ALMS1: variants seen among roughly 807,000 people sequenced by gnomAD.
ALMS1 encodes the protein centrosome-associated protein ALMS1.
In ALMS1, 271 loss-of-function variants were observed where a neutral mutation model predicts 352.2. The ratio of observed to expected loss-of-function variants is 0.77; its 90% CI spans 0.70 to 0.85. The LOEUF is 0.85. ALMS1 is among the 40% of genes least tolerant of loss of function. The pLI is 0.00. For synonymous variants in ALMS1, 1,865 were observed against 1,761.2 expected, an observed-to-expected ratio of 1.06 and a Z score of -1.48; for missense variants, 5,445 against 4,870.7, an observed-to-expected ratio of 1.12 and a Z score of -3.51.
intron 18 of ALMS1, 98 bp from the exon 19 acceptor site, chr2:73,601,097 C>T: frequency 6.3e-7 from 1 of 1,583,048 alleles, no homozygotes; most frequent in Non-Finnish European, 8.6e-7. Context: ...AGCTGAGACC[C>T]CTGAGAACCT....
chr2:73,575,285 C>T (rs1675029122), intron 16 of ALMS1, among the ~76,000 whole-genome samples: 1 of 152,036 alleles, frequency 6.6e-6, no homozygotes, highest in African/African-American at 2.4e-5. Context: ...AAATGCTGGG[C>T]CATATGGTAA....
chr2:73,425,548 G>A lies in ALMS1; in HGVS notation c.1237+646G>A, dbSNP rs578089244. On this transcript the variant is annotated intron_variant, in intron 5 of 22. Coordinates refer to ENST00000613296, the MANE Select transcript of ALMS1 (RefSeq NM_001378454.1). ...AACCAAAAGGGAACTTCTCTTTTTG[G>A]TGAGAAAAATATTGATGCTGCTGAA... 7.9e-5 allele frequency among the ~76,000 whole-genome samples: 12 copies of A among 152,208 alleles called. No homozygotes were observed. The South Asian group carries it at 2.5e-3, about 32-fold the overall frequency.
At position 73,588,197 on chromosome 2, in the gene ALMS1, G is replaced by A. The variant is rs116101033; in HGVS notation, c.11548-11204G>A. On this transcript the variant is annotated intron_variant, in intron 16 of 22. Coordinates refer to ENST00000613296, the MANE Select transcript of ALMS1 (RefSeq NM_001378454.1). The stretch of plus-strand genomic sequence containing the variant: ...CAGTATCACCCTAATACCAAAACCA[G>A]GAAGGGACATAACAAAGAAACTGTT... Among the ~76,000 whole-genome samples the A allele has an allele frequency of 9.0e-3, 1,376 of 152,250 alleles. 15 individuals are homozygous for A. Among genetic ancestry groups the A allele is most frequent in the Non-Finnish European group, 0.013 (890 of 68,026 alleles).
intron 10 of ALMS1, among the ~76,000 whole-genome samples, chr2:73,496,097 T>A (rs902486225): frequency 1.3e-5 from 2 of 152,240 alleles, no homozygotes; most frequent in African/African-American, 4.8e-5. Context: ...CTGCATTCCA[T>A]CTTTGCCTCA....
intron 22 of ALMS1, 136 bp downstream of exon 22, chr2:73,608,710 A>G: frequency 1.3e-6 from 1 of 742,950 alleles, no homozygotes; most frequent in East Asian, 2.8e-5. Context: ...GCACTGGACC[A>G]GTGTTGAAAT....
chr2:73,465,090 C>T (rs1173313254), intron 9 of ALMS1, among the ~76,000 whole-genome samples: 1 of 152,178 alleles, frequency 6.6e-6, no homozygotes, highest in Non-Finnish European at 1.5e-5. Context: ...TCAATGCCAT[C>T]CCCATCAAGC....
At chr2:73,396,835 G>A (rs748577401) in intron 1 of ALMS1, among the ~76,000 whole-genome samples, 46 of 151,768 alleles carry the variant, frequency 3.0e-4, no homozygotes, top group African/African-American at 9.7e-4. Flanking sequence ...TAGTAGAGAC[G>A]GGGTTTAACC....
intron 12 of ALMS1, among the ~76,000 whole-genome samples, chr2:73,543,266 A>G (rs886978050): frequency 2.6e-5 from 4 of 152,228 alleles, no homozygotes; most frequent in Admixed American, 1.3e-4. Flanking sequence ...GCAATGGGGA[A>G]AGGATTCCCT....
intron 2 of ALMS1, among the ~76,000 whole-genome samples, chr2:73,411,404 T>G (rs573388260): frequency 6.6e-6 from 1 of 152,294 alleles, no homozygotes; most frequent in South Asian, 2.1e-4. Context: ...AATAAATTTC[T>G]GTTGTTTTAA....
rs781220396 is a variant in ALMS1, at chr2:73,490,764, C to T, written c.8805C>T (p.Ala2935=). The T allele has an allele frequency of 6.2e-7, 1 of 1,614,078 alleles. No homozygotes were observed. Reference sequence around the variant, plus strand: ...GAGAACTCTTTGAACAGTGCAAAGCCCCATATGTAGATCATCAAATGAGAG... The same window carrying T: ...GAGAACTCTTTGAACAGTGCAAAGCTCCATATGTAGATCATCAAATGAGAG... ...EQRELFEQCK[A]PYVDHQMREN... The change falls in exon 10 of 23, where the codon GCC becomes GCT. Residue 2935 remains alanine (A), a synonymous_variant. Transcript: ENST00000613296.
intron 1 of ALMS1, among the ~76,000 whole-genome samples, chr2:73,403,712 G>A (rs964484780): frequency 6.6e-6 from 1 of 151,974 alleles, no homozygotes; most frequent in Non-Finnish European, 1.5e-5. Context: ...CATTAGTATT[G>A]TAGTTTTCAG....
chr2:73,479,051 G>A (rs2103859959), intron 9 of ALMS1, among the ~76,000 whole-genome samples: 2 of 152,120 alleles, frequency 1.3e-5, no homozygotes, highest in South Asian at 4.2e-4. Flanking sequence ...AGTATTCCAT[G>A]GTATATATGT....
chr2:73,401,946 A>G (rs1458301912), intron 1 of ALMS1, among the ~76,000 whole-genome samples: 1 of 152,042 alleles, frequency 6.6e-6, no homozygotes, highest in Non-Finnish European at 1.5e-5. Flanking sequence ...AGGTTTATTC[A>G]TGTGACAAAT....
chr2:73,536,116 A>G (rs994896721), intron 12 of ALMS1, among the ~76,000 whole-genome samples: 1 of 152,206 alleles, frequency 6.6e-6, no homozygotes, highest in Non-Finnish European at 1.5e-5. Context: ...TTGCAAGGCT[A>G]TGGTTTTAAA....
At chr2:73,599,011 G>A (rs1020601581) in intron 16 of ALMS1, among the ~76,000 whole-genome samples, 7 of 152,068 alleles carry the variant, frequency 4.6e-5, no homozygotes, top group Non-Finnish European at 5.9e-5. Context: ...ATTGGAGAGC[G>A]CTCTCTTCAG....
chr2:73,404,163 T>G (rs1163015944), intron 1 of ALMS1, among the ~76,000 whole-genome samples: 2 of 152,246 alleles, frequency 1.3e-5, no homozygotes. Context: ...CCTCCCAAAG[T>G]GCTGGGATTA....
intron 16 of ALMS1, among the ~76,000 whole-genome samples, chr2:73,596,734 T>C (rs1675557738): frequency 6.6e-6 from 1 of 152,064 alleles, no homozygotes; most frequent in Non-Finnish European, 1.5e-5. Context: ...CCTCCCAAAG[T>C]GCTGGGATTA....
chr2:73,537,911 C>T (rs565720278), intron 12 of ALMS1, among the ~76,000 whole-genome samples: 2 of 152,196 alleles, frequency 1.3e-5, no homozygotes, highest in East Asian at 3.9e-4. Flanking sequence ...AAGGCTGAGG[C>T]ATGAGTATCA....
At chr2:73,471,091 T>C (rs1264289728) in intron 9 of ALMS1, 1 of 151,844 alleles carries the variant, frequency 6.6e-6, no homozygotes, top group African/African-American at 2.4e-5. Flanking sequence ...CCATTTACAT[T>C]AAAGTAATTA....
Sources: gnomAD v4.1 joint callset for allele counts (sites outside exome capture counted in the v4.1 genomes callset) on GRCh38, gnomAD v4.1.1 for gene constraint, MANE v1.5 for transcripts, NCBI Gene and HGNC (gene_info 2026-07-23, HGNC 2026-07-21) for gene names.